The following ZMYM2 variants were observed in gnomAD, a reference collection of about 807,000 sequenced individuals.
ZMYM2 encodes the protein zinc finger MYM-type containing 2, also known as zinc finger MYM-type protein 2.
Under a neutral mutation model 162.8 loss-of-function variants are expected in ZMYM2, and 56 were observed. The observed-to-expected ratio is 0.34, with a 90% confidence interval of 0.28 to 0.43. ZMYM2 has a LOEUF of 0.43. Ranked by LOEUF, ZMYM2 falls within the 20% of genes least tolerant of loss-of-function variation. ZMYM2 has a pLI of 1.00. For synonymous variants in ZMYM2, 510 were observed against 541.6 expected (o/e 0.94, Z 0.81); for missense variants, 1,275 against 1,621.8 (o/e 0.79, Z 3.67).
chr13:19,955,686 C>T (rs544637629), upstream of ZMYM2, among the ~76,000 whole-genome samples: 3 of 152,088 alleles, frequency 2.0e-5, no homozygotes, highest in South Asian at 6.2e-4. Flanking sequence ...CAGTGGTGCG[C>T]TCTCGGCTCA....
At chr13:19,994,884 G>A (rs1949902938) in intron 3 of ZMYM2, among the ~76,000 whole-genome samples, 1 of 151,900 alleles carries the variant, frequency 6.6e-6, no homozygotes, top group Non-Finnish European at 1.5e-5. Context: ...CCAGAGTGGA[G>A]TAGAGTGGCA....
At chr13:20,004,967 T>C in intron 4 of ZMYM2, 107 bp from the exon 5 acceptor site, 1 of 751,382 alleles carries the variant, frequency 1.3e-6, no homozygotes. Flanking sequence ...CCAAGAATGA[T>C]GTTTGATTTG....
chr13:20,066,503 A>G (rs1010787008), intron 19 of ZMYM2: 15 of 175,182 alleles, frequency 8.6e-5, no homozygotes, highest in African/African-American at 3.5e-4. Context: ...TTTATAATAA[A>G]GTTAGCTAGA....
the ZMYM2 span, among the ~76,000 whole-genome samples, chr13:19,952,812 T>G: frequency 6.6e-6 from 1 of 152,198 alleles, no homozygotes; most frequent in Admixed American, 6.5e-5. Flanking sequence ...CTCAGTTCAC[T>G]GAAGAAACTG....
the ZMYM2 span, among the ~76,000 whole-genome samples, chr13:19,913,366 C>T: frequency 1.3e-5 from 2 of 152,072 alleles, no homozygotes; most frequent in African/African-American, 4.8e-5. Flanking sequence ...TAAAGTTGGG[C>T]GTGTACAGCA....
chr13:19,904,664 A>G, the ZMYM2 span, among the ~76,000 whole-genome samples: 9 of 152,224 alleles, frequency 5.9e-5, no homozygotes, highest in African/African-American at 2.2e-4. Flanking sequence ...AACTAATCAT[A>G]TATGAGCATT....
At chr13:20,055,581 G>A (rs1388638847) in intron 14 of ZMYM2, among the ~76,000 whole-genome samples, 3 of 152,166 alleles carry the variant, frequency 2.0e-5, no homozygotes, top group Non-Finnish European at 4.4e-5. Context: ...GTACCTTATG[G>A]AGAAAATACT....
the ZMYM2 span, among the ~76,000 whole-genome samples, chr13:19,917,095 TGGGACTACA>T: frequency 1.3e-5 from 2 of 152,002 alleles, no homozygotes; most frequent in Non-Finnish European, 2.9e-5. Context: ...CCGGAGTAGC[TGGGACTACA>T]GGCGCCCGCC....
chr13:19,972,175 A>G (rs1025106631), intron 2 of ZMYM2, among the ~76,000 whole-genome samples: 1 of 152,192 alleles, frequency 6.6e-6, no homozygotes, highest in African/African-American at 2.4e-5. Context: ...TAACCCTTGA[A>G]TGGATTTTTA....
At chr13:19,886,217 T>G in the ZMYM2 span, among the ~76,000 whole-genome samples, 2 of 136,028 alleles carry the variant, frequency 1.5e-5, no homozygotes, top group South Asian at 4.7e-4. Flanking sequence ...CAAGCTGGAG[T>G]GCGATGGCGC....
chr13:19,873,597 C>A, the ZMYM2 span, among the ~76,000 whole-genome samples: 1 of 151,888 alleles, frequency 6.6e-6, no homozygotes, highest in Non-Finnish European at 1.5e-5. Context: ...TTAGTAGAGA[C>A]GGGGTTTTGC....
chr13:20,022,100 G>A (rs1347083943), intron 7 of ZMYM2, among the ~76,000 whole-genome samples: 1 of 152,162 alleles, frequency 6.6e-6, no homozygotes, highest in African/African-American at 2.4e-5. Flanking sequence ...GCTACCTTGT[G>A]TGTAGAGTTT....
At chr13:19,973,701 A>C (rs185117912) in intron 2 of ZMYM2, among the ~76,000 whole-genome samples, 2 of 151,324 alleles carry the variant, frequency 1.3e-5, no homozygotes, top group Non-Finnish European at 2.9e-5. Context: ...ACCAAAAAAC[A>C]AAACAAAAAA....
rs746920956 is a variant in ZMYM2 at position 20,059,523 on chromosome 13, C to T, written c.2700C>T (p.Tyr900=). Residue 900 remains tyrosine (Y), a synonymous_variant, in exon 16 of 25, where the codon TAC becomes TAT. Coordinates refer to ENST00000610343, the MANE Select transcript of ZMYM2 (RefSeq NM_197968.4). ...ATATCCCAGTTCCTATGCACATGTACAGTCAGAATATTCCTGTTCCTACTA... is the reference window on the plus strand; with the variant it reads ...ATATCCCAGTTCCTATGCACATGTATAGTCAGAATATTCCTGTTCCTACTA... ...PVYIPVPMHM[Y]SQNIPVPTTV... is the part of the protein sequence containing the mutation. 6 of 1,414,992 alleles carry T rather than the reference C, an allele frequency of 4.2e-6. No homozygotes were observed. The highest frequency in any genetic ancestry group is 2.0e-6 in the Non-Finnish European group (2 of 998,670). The allele number at this position is 1,414,992 out of a possible 1,614,324, so 87.7% of individuals were successfully genotyped here. A position where few individuals can be genotyped will look rare whatever the true frequency, so the allele number is the denominator to read the frequency against.
intron 7 of ZMYM2, chr13:20,025,624 T>G (rs928311759): frequency 6.5e-6 from 1 of 154,352 alleles, no homozygotes; most frequent in Non-Finnish European, 1.4e-5. Context: ...CACCCTGCCC[T>G]CATATTCTTT....
chr13:20,006,572 A>C lies in ZMYM2; in HGVS notation c.1498A>C (p.Ser500Arg). 1.2e-6 allele frequency: 2 copies of C among 1,613,844 alleles called. No individual in the cohort carries two copies. Among genetic ancestry groups the C allele is most frequent in the Non-Finnish European group, 1.7e-6 (2 of 1,179,824 alleles). The stretch of plus-strand genomic sequence containing the variant: ...AAGATTTTGCTGTCAAAGTTGTGTC[A>C]GTGAATACAAACAGGTAATTCATGT... ...QKRFCCQSCVSEYKQVGSHPS... is the reference protein window; with the variant it reads ...QKRFCCQSCVREYKQVGSHPS... The change falls in exon 6 of 25, where the codon AGT becomes CGT. Residue 500 changes from serine to arginine, a missense_variant. Coordinates refer to ENST00000610343, the MANE Select transcript of ZMYM2 (RefSeq NM_197968.4).
chr13:19,956,739 C>T (rs1424909214), upstream of ZMYM2, among the ~76,000 whole-genome samples: 1 of 152,212 alleles, frequency 6.6e-6, no homozygotes, highest in Non-Finnish European at 1.5e-5. Flanking sequence ...TATCATTTAT[C>T]ACAGAGCTTA....
the ZMYM2 span, among the ~76,000 whole-genome samples, chr13:19,949,598 G>GA: frequency 7.3e-5 from 11 of 150,934 alleles, no homozygotes; most frequent in Non-Finnish European, 1.6e-4. Flanking sequence ...TTGAAAGAAA[G>GA]AAAAAATAGG....
chr13:19,978,603 C>T (rs899618042), intron 2 of ZMYM2, among the ~76,000 whole-genome samples: 4 of 151,944 alleles, frequency 2.6e-5, no homozygotes, highest in Admixed American at 6.6e-5. Flanking sequence ...TTAGTAGAGA[C>T]GGGGTTTCTT....
Sources: allele counts gnomAD v4.1 joint callset (sites outside exome capture counted in the v4.1 genomes callset), GRCh38; gene constraint gnomAD v4.1.1; transcripts MANE v1.5; gene names NCBI Gene and HGNC (gene_info 2026-07-23, HGNC 2026-07-21).